The following KSR2 variants were observed in gnomAD, a reference collection of about 807,000 sequenced individuals.
KSR2 encodes kinase suppressor of ras 2.
A neutral mutation model predicts 107.8 loss-of-function variants in KSR2; 25 were observed. That is an observed-to-expected ratio of 0.23 (90% CI 0.17 to 0.32). The LOEUF (loss-of-function observed/expected upper bound fraction) is 0.32, where lower values mean the gene tolerates loss of function less well. Among genes scored for constraint, KSR2 ranks in the 10% least tolerant of loss-of-function variants. The pLI is 1.00. For missense variants in KSR2, 887 were observed against 1,268.9 expected (o/e 0.70, Z 4.57); for synonymous variants, 480 against 507.0 (o/e 0.95, Z 0.71).
chr12:117,563,467 GTTTCCCCATCTGT>G (rs1878257927), intron 7 of KSR2, among the ~76,000 whole-genome samples: 1 of 152,172 alleles, frequency 6.6e-6, no homozygotes, highest in South Asian at 2.1e-4. Flanking sequence ...CAGAGCCTCA[GTTTCCCCATCTGT>G]AAGGTGGGGA....
At chr12:117,490,271 C>A (rs1054846049) in intron 14 of KSR2, among the ~76,000 whole-genome samples, 7 of 152,154 alleles carry the variant, frequency 4.6e-5, no homozygotes, top group Admixed American at 1.3e-4. Context: ...AGTCCAAATC[C>A]CGACTCCAGC....
At chr12:117,747,017 A>G (rs1257970863) in intron 4 of KSR2, among the ~76,000 whole-genome samples, 1 of 152,228 alleles carries the variant, frequency 6.6e-6, no homozygotes, top group Non-Finnish European at 1.5e-5. Flanking sequence ...TGTGAAAGAC[A>G]GTATGGCGAT....
intron 4 of KSR2, among the ~76,000 whole-genome samples, chr12:117,740,361 A>G (rs1363597265): frequency 2.1e-5 from 3 of 140,780 alleles, no homozygotes; most frequent in Admixed American, 7.6e-5. Flanking sequence ...TATATAGTAT[A>G]TATATATTAG....
intron 14 of KSR2, among the ~76,000 whole-genome samples, chr12:117,496,604 G>C (rs1256238255): frequency 6.6e-6 from 1 of 152,158 alleles, no homozygotes; most frequent in East Asian, 1.9e-4. Flanking sequence ...ATTTTAAAGA[G>C]ATACTTTCTG....
chr12:117,914,821 C>A (rs1274338773), intron 1 of KSR2, among the ~76,000 whole-genome samples: 1 of 152,222 alleles, frequency 6.6e-6, no homozygotes, highest in Non-Finnish European at 1.5e-5. Context: ...CAGGCATGAG[C>A]CACTGCGCCC....
intron 4 of KSR2, among the ~76,000 whole-genome samples, chr12:117,689,620 G>T (rs1200585054): frequency 6.6e-6 from 1 of 151,856 alleles, no homozygotes; most frequent in Non-Finnish European, 1.5e-5. Flanking sequence ...ATGACCCCTG[G>T]TCTACACAAA....
At chr12:117,495,362 G>A (rs1872964381) in intron 14 of KSR2, among the ~76,000 whole-genome samples, 1 of 152,176 alleles carries the variant, frequency 6.6e-6, no homozygotes, top group Non-Finnish European at 1.5e-5. Flanking sequence ...TTGGGACTCT[G>A]GGGCTTTATA....
intron 12 of KSR2, among the ~76,000 whole-genome samples, chr12:117,528,446 C>G (rs549716977): frequency 1.3e-5 from 2 of 152,094 alleles, no homozygotes; most frequent in African/African-American, 4.8e-5. Context: ...TAGATTCCCC[C>G]TTCCCCATCC....
chr12:117,621,901 T>G (rs1565930050), intron 5 of KSR2, among the ~76,000 whole-genome samples: 1 of 152,142 alleles, frequency 6.6e-6, no homozygotes, highest in South Asian at 2.1e-4. Flanking sequence ...TACAGCTCCA[T>G]GCTGTAGCTG....
intron 7 of KSR2, among the ~76,000 whole-genome samples, chr12:117,574,491 A>C (rs1349215540): frequency 6.6e-6 from 1 of 152,198 alleles, no homozygotes; most frequent in African/African-American, 2.4e-5. Flanking sequence ...AAAGGCCGCG[A>C]CAAGAGAGAA....
chr12:117,751,168 T>G (rs549767464), intron 4 of KSR2, among the ~76,000 whole-genome samples: 1 of 152,270 alleles, frequency 6.6e-6, no homozygotes, highest in East Asian at 1.9e-4. Context: ...AAAGGGCTTT[T>G]CCCCACCTTT....
At chr12:117,681,007 T>C (rs916191641) in intron 4 of KSR2, among the ~76,000 whole-genome samples, 1 of 152,198 alleles carries the variant, frequency 6.6e-6, no homozygotes, top group African/African-American at 2.4e-5. Flanking sequence ...TGGTGGCTCA[T>C]GCCTGTAATC....
At chr12:117,816,202 C>T (rs903274719) in intron 3 of KSR2, among the ~76,000 whole-genome samples, 1 of 152,030 alleles carries the variant, frequency 6.6e-6, no homozygotes, top group Non-Finnish European at 1.5e-5. Context: ...TGCCATGCAC[C>T]TCCTCCAGGT....
chr12:117,634,351 C>T (rs1882952140), intron 5 of KSR2, among the ~76,000 whole-genome samples: 3 of 152,154 alleles, frequency 2.0e-5, no homozygotes, highest in Non-Finnish European at 1.5e-5. Context: ...CAAGACGGAA[C>T]TTCCAAAAGC....
At chr12:117,642,774 G>A (rs1883438525) in intron 5 of KSR2, among the ~76,000 whole-genome samples, 1 of 152,168 alleles carries the variant, frequency 6.6e-6, no homozygotes. Flanking sequence ...TTCCTTTCTA[G>A]AGCCTTGATT....
chr12:117,795,104 T>C (rs1471628709), intron 3 of KSR2, among the ~76,000 whole-genome samples: 1 of 152,202 alleles, frequency 6.6e-6, no homozygotes, highest in East Asian at 1.9e-4. Flanking sequence ...CCCCAAGACA[T>C]ATCATTCTGA....
chr12:117,740,526 ATATAT>A (rs1445852495), intron 4 of KSR2, among the ~76,000 whole-genome samples: 2 of 132,670 alleles, frequency 1.5e-5, no homozygotes, highest in Admixed American at 8.4e-5. Flanking sequence ...TATATAGTAC[ATATAT>A]TATATATGTA....
At chr12:117,832,174 C>A (rs1891998664) in intron 3 of KSR2, among the ~76,000 whole-genome samples, 1 of 152,136 alleles carries the variant, frequency 6.6e-6, no homozygotes, top group Admixed American at 6.5e-5. Context: ...ATCCTAGCTA[C>A]TGGGGAGGGT....
intron 2 of KSR2, among the ~76,000 whole-genome samples, chr12:117,856,675 C>T (rs1047719896): frequency 1.3e-5 from 2 of 152,102 alleles, no homozygotes; most frequent in African/African-American, 4.8e-5. Context: ...CAGGGTTTCA[C>T]CATGTTGGCC....
Sources: allele counts gnomAD v4.1 joint callset (sites outside exome capture counted in the v4.1 genomes callset), GRCh38; gene constraint gnomAD v4.1.1; transcripts MANE v1.5; gene names NCBI Gene and HGNC (gene_info 2026-07-23, HGNC 2026-07-21).